BCAS3: variants seen among roughly 807,000 people sequenced by gnomAD.
BCAS3 encodes BCAS3 microtubule associated cell migration factor.
BCAS3 carries 53 observed loss-of-function variants against 116.1 expected under a neutral mutation model. That is an observed-to-expected ratio of 0.46 (90% CI 0.37 to 0.57). BCAS3 has a LOEUF of 0.57. BCAS3 is among the 20% of genes least tolerant of loss of function. The pLI, the probability that BCAS3 is intolerant of heterozygous loss-of-function variation, is 0.00. For synonymous variants in BCAS3, 391 were observed against 408.2 expected, an observed-to-expected ratio of 0.96 and a Z score of 0.51; for missense variants, 917 against 1,165.4, an observed-to-expected ratio of 0.79 and a Z score of 3.10.
Position 61,097,867 on chromosome 17 carries a change from C to T in BCAS3, c.2425+13303C>T, listed in dbSNP as rs1344411441. ...AAGTCTAAACCTCTTTCTACCCTGC[C>T]TAATCAAATATTCATTTCAAAACAC... is the stretch of plus-strand genomic sequence containing the variant. On this transcript the variant is annotated intron_variant, in intron 22 of 23. Transcript: ENST00000407086. The surrounding 1 kb of genome is among the most constrained non-coding windows in gnomAD (Gnocchi z 4.0). Among the ~76,000 whole-genome samples, 2 of 152,190 alleles carry T rather than the reference C, an allele frequency of 1.3e-5. No individual in the cohort carries two copies. Among genetic ancestry groups the T allele is most frequent in the Non-Finnish European group, 2.9e-5 (2 of 68,032 alleles).
chr17:60,716,290 T>C (rs1392403032), intron 5 of BCAS3, among the ~76,000 whole-genome samples: 1 of 152,082 alleles, frequency 6.6e-6, no homozygotes, highest in Non-Finnish European at 1.5e-5. Flanking sequence ...TAAAAATAAA[T>C]GGATATACAA....
At chr17:61,153,639 C>T (rs2144018026) in intron 22 of BCAS3, among the ~76,000 whole-genome samples, 1 of 152,310 alleles carries the variant, frequency 6.6e-6, no homozygotes, top group East Asian at 1.9e-4. Flanking sequence ...CCAAAAATTT[C>T]AGAACCCCAG....
chr17:60,814,119 A>G (rs1433631529), intron 7 of BCAS3, among the ~76,000 whole-genome samples: 3 of 152,130 alleles, frequency 2.0e-5, no homozygotes, highest in Non-Finnish European at 4.4e-5. Context: ...TGCTTTGGGT[A>G]GTTTGACCAT....
intron 6 of BCAS3, among the ~76,000 whole-genome samples, chr17:60,799,584 A>AGTGGCCT (rs2047549749): frequency 1.5e-5 from 2 of 131,648 alleles, no homozygotes; most frequent in African/African-American, 6.2e-5. Context: ...GCTGGAGTGC[A>AGTGGCCT]GTGGCCTGAT....
rs1345683460 is a variant in BCAS3, at chr17:61,356,018, T to C, written c.2426-12309T>C. On this transcript the variant is annotated intron_variant, in intron 22 of 23. Transcript: ENST00000407086. The surrounding 1 kb of genome is among the most constrained non-coding windows in gnomAD (Gnocchi z 5.4). ...CTTTTTCTTTTCTCTTTTTTGAGAC[T>C]GAGTCTTACTCTGTGGCCCAGGCTG... Among the ~76,000 whole-genome samples, 1 of 152,198 alleles carries C rather than the reference T, an allele frequency of 6.6e-6. No homozygotes were observed. The highest frequency in any genetic ancestry group is 6.5e-5 in the Admixed American group (1 of 15,278).
chr17:61,063,788 G>A lies in BCAS3; in HGVS notation c.2030-11132G>A, dbSNP rs1568262963. ...GCTGTAGTTTCTGCTGTTAATCATT[G>A]GTCCTCTTCAATTAAGGCACAAAGA... On this transcript the variant is annotated intron_variant, in intron 19 of 23. Transcript: ENST00000407086. The surrounding 1 kb of genome is among the most constrained non-coding windows in gnomAD (Gnocchi z 5.3). Among the ~76,000 whole-genome samples, 1 of 152,010 alleles carries A rather than the reference G, an allele frequency of 6.6e-6. No individual in the cohort carries two copies. Among genetic ancestry groups the A allele is most frequent in the African/African-American group, 2.4e-5 (1 of 41,378 alleles).
At chr17:61,287,719 CTG>C (rs540651417) in intron 22 of BCAS3, among the ~76,000 whole-genome samples, 76 of 151,848 alleles carry the variant, frequency 5.0e-4, no homozygotes, top group African/African-American at 1.7e-3. Flanking sequence ...GAGTGAGACC[CTG>C]TGTCAAAAAA....
In BCAS3 at chr17:61,082,069, G is replaced by A. The variant is rs902999612; in HGVS notation, c.2328-2398G>A. Among the ~76,000 whole-genome samples, 1 of 152,024 alleles carries A rather than the reference G, an allele frequency of 6.6e-6. No individual in the cohort carries two copies. The highest frequency in any genetic ancestry group is 1.5e-5 in the Non-Finnish European group (1 of 67,998). ...TCTCATCCATAAGGGAATCAGGCAA[G>A]CTCCCTACACAGAGCAGGTGTTTAA... On this transcript the variant is annotated intron_variant, in intron 21 of 23. Coordinates refer to ENST00000407086, the MANE Select transcript of BCAS3 (RefSeq NM_017679.5). The surrounding 1 kb of genome is among the most constrained non-coding windows in gnomAD (Gnocchi z 5.1).
chr17:60,698,839 T>C (rs1458039893), intron 4 of BCAS3, among the ~76,000 whole-genome samples: 1 of 152,164 alleles, frequency 6.6e-6, no homozygotes, highest in East Asian at 1.9e-4. Flanking sequence ...GTGGATCACC[T>C]GAGGTCAGGA....
intron 6 of BCAS3, among the ~76,000 whole-genome samples, chr17:60,770,184 C>A (rs1259236437): frequency 1.3e-5 from 2 of 152,090 alleles, no homozygotes; most frequent in East Asian, 3.9e-4. Context: ...GTAGTCAGTT[C>A]CGTATGTTAG....
At chr17:60,862,755 C>T (rs1274119545) in intron 7 of BCAS3, among the ~76,000 whole-genome samples, 3 of 152,170 alleles carry the variant, frequency 2.0e-5, no homozygotes, top group Non-Finnish European at 2.9e-5. Context: ...CCTGCCTCAG[C>T]CTTCCTAGTA....
intron 16 of BCAS3, among the ~76,000 whole-genome samples, chr17:61,033,540 A>G (rs1181531536): frequency 6.6e-6 from 1 of 152,200 alleles, no homozygotes; most frequent in Non-Finnish European, 1.5e-5. Context: ...TCCTGACTCC[A>G]AAACTATCTC....
intron 7 of BCAS3, among the ~76,000 whole-genome samples, chr17:60,862,297 C>T (rs1213299375): frequency 2.6e-5 from 4 of 151,966 alleles, no homozygotes; most frequent in African/African-American, 7.3e-5. Flanking sequence ...AACAAACAAA[C>T]AAAAAACAGA....
At chr17:60,743,268 C>G (rs916077749) in intron 5 of BCAS3, among the ~76,000 whole-genome samples, 3 of 151,826 alleles carry the variant, frequency 2.0e-5, no homozygotes, top group African/African-American at 7.3e-5. Flanking sequence ...TTGTGGGAAC[C>G]CATTTACATT....
chr17:60,737,548 C>G (rs2041103386), intron 5 of BCAS3, among the ~76,000 whole-genome samples: 2 of 152,042 alleles, frequency 1.3e-5, no homozygotes, highest in African/African-American at 4.8e-5. Flanking sequence ...AGATTTCCCT[C>G]TATGCACTGC....
intron 22 of BCAS3, among the ~76,000 whole-genome samples, chr17:61,329,340 A>ATTTTT (rs199612323): frequency 3.7e-5 from 4 of 109,416 alleles, no homozygotes; most frequent in Admixed American, 9.3e-5. Flanking sequence ...TATTATTATT[A>ATTTTT]TTATTTTTTT....
chr17:61,018,420 G>T (rs993323426), intron 16 of BCAS3, among the ~76,000 whole-genome samples: 15 of 148,300 alleles, frequency 1.0e-4, no homozygotes, highest in African/African-American at 3.2e-4. Flanking sequence ...TCCTGCTTCA[G>T]CCTCCCTAGT....
chr17:61,208,511 C>T lies in BCAS3; in HGVS notation c.2425+123947C>T, dbSNP rs549126515. ...CTTGTCCATAACAGCTTGAGTTTAA[C>T]TCGAATCTCATTAGCTCAGCTTAAT... is the stretch of plus-strand genomic sequence containing the variant. On this transcript the variant is annotated intron_variant, in intron 22 of 23. Coordinates refer to ENST00000407086, the MANE Select transcript of BCAS3 (RefSeq NM_017679.5). This position sits in a 1 kb window ranked among gnomAD's most constrained non-coding sequence, Gnocchi z 4.5. Among the ~76,000 whole-genome samples, 3 of 152,268 alleles carry T rather than the reference C, an allele frequency of 2.0e-5. No individual in the cohort carries two copies. In the East Asian group the frequency reaches 5.8e-4, roughly 29 times the overall value.
At chr17:60,763,576 T>C (rs1413716531) in intron 6 of BCAS3, among the ~76,000 whole-genome samples, 3 of 152,204 alleles carry the variant, frequency 2.0e-5, no homozygotes, top group African/African-American at 7.2e-5. Flanking sequence ...AGCTTTTTGA[T>C]GTGCTGCTGG....
Sources: allele counts gnomAD v4.1 joint callset (sites outside exome capture counted in the v4.1 genomes callset), GRCh38; gene constraint gnomAD v4.1.1; non-coding constraint Gnocchi (gnomAD v3.1); transcripts MANE v1.5; gene names NCBI Gene and HGNC (gene_info 2026-07-23, HGNC 2026-07-21).